BMP1: variants seen among roughly 807,000 people sequenced by gnomAD.
BMP1 encodes the protein bone morphogenetic protein 1.
Under a neutral mutation model 116.8 loss-of-function variants are expected in BMP1, and 63 were observed. The ratio of observed to expected loss-of-function variants is 0.54; its 90% CI spans 0.44 to 0.67. The LOEUF is 0.67. Among genes scored for constraint, BMP1 ranks in the 30% least tolerant of loss-of-function variants. BMP1 has a pLI of 0.00. For missense variants in BMP1, 1,183 were observed against 1,358.9 expected, an observed-to-expected ratio of 0.87 and a Z score of 2.04; for synonymous variants, 536 against 533.4, an observed-to-expected ratio of 1.00 and a Z score of -0.07.
At chr8:22,210,096 G>A (rs1237269364) in intron 19 of BMP1, among the ~76,000 whole-genome samples, 2 of 152,272 alleles carry the variant, frequency 1.3e-5, no homozygotes. Context: ...CGCCTGAGCG[G>A]AGTGGCCCTC....
chr8:22,211,752 A>G lies in BMP1; in HGVS notation c.*24A>G. 3 of 1,613,974 alleles carry G rather than the reference A, an allele frequency of 1.9e-6. No individual in the cohort carries two copies. The highest frequency in any genetic ancestry group is 2.5e-6 in the Non-Finnish European group (3 of 1,179,950). On this transcript the variant is annotated 3_prime_UTR_variant, in exon 20 of 20. Coordinates refer to ENST00000306385, the MANE Select transcript of BMP1 (RefSeq NM_006129.5). ...GACCACTGCCTGAGCAGGGGCGGGG[A>G]CTGGAGCCTGCTGCCCTTGGTCGCC...
Position 22,194,160 on chromosome 8 carries a change from T to C in BMP1, c.1283T>C (p.Phe428Ser), listed in dbSNP as rs1829010243. The C allele has an allele frequency of 6.2e-7, 1 of 1,614,110 alleles. No individual in the cohort carries two copies. Among genetic ancestry groups the C allele is most frequent in the Non-Finnish European group, 8.5e-7 (1 of 1,179,972 alleles). The change falls in exon 10 of 20, where the codon TTT (phenylalanine) becomes TCT (serine). Residue 428 changes from phenylalanine to serine, a missense_variant. Phe to Ser is a radical substitution (Grantham distance 155, BLOSUM62 -2). Transcript: ENST00000306385. This position sits in a 1 kb window ranked among gnomAD's most constrained non-coding sequence, Gnocchi z 4.5. Reference protein sequence around the residue: ...SSSNWVGKGFFAVYEAICGGD... With the variant: ...SSSNWVGKGFSAVYEAICGGD... ...AGCAATTGGGTTGGAAAGGGCTTCTTTGCAGTCTACGAAGGTACTGAGGAA... is the reference window on the plus strand; with the variant it reads ...AGCAATTGGGTTGGAAAGGGCTTCTCTGCAGTCTACGAAGGTACTGAGGAA...
chr8:22,188,901 C>T (rs1828853907), intron 8 of BMP1, among the ~76,000 whole-genome samples: 1 of 152,216 alleles, frequency 6.6e-6, no homozygotes, highest in Non-Finnish European at 1.5e-5. Flanking sequence ...AGCTGCTGAG[C>T]AGAACTGCCT....
chr8:22,201,081 C>G (rs752384035), intron 15 of BMP1: 3 of 1,599,714 alleles, frequency 1.9e-6, no homozygotes, highest in Non-Finnish European at 2.6e-6. Context: ...CCACCCCCAC[C>G]CCTTGGTCCC....
intron 16 of BMP1, among the ~76,000 whole-genome samples, chr8:22,205,371 G>C (rs924831448): frequency 6.6e-6 from 1 of 152,148 alleles, no homozygotes; most frequent in Non-Finnish European, 1.5e-5. Context: ...GCAGGGCCAC[G>C]CAGGGTGCAG....
intron 15 of BMP1, 177 bp from the exon 16 acceptor site, chr8:22,201,626 C>A: frequency 7.4e-7 from 1 of 1,356,276 alleles, no homozygotes; most frequent in Non-Finnish European, 9.8e-7. Flanking sequence ...GATGCAGTGC[C>A]CCTTTGGACC....
chr8:22,176,939 CT>C (rs1219218531), intron 4 of BMP1, 21 bp from the exon 5 acceptor site: 25 of 1,593,960 alleles, frequency 1.6e-5, no homozygotes, highest in Non-Finnish European at 1.8e-5. Context: ...GACCGCCCCC[CT>C]GAGCTGGCCC....
chr8:22,195,672 C>G, intron 13 of BMP1, 85 bp downstream of exon 13: 1 of 1,528,940 alleles, frequency 6.5e-7, no homozygotes, highest in Non-Finnish European at 8.8e-7. Context: ...TTTAGACAGG[C>G]TTTTGCTCTG....
At chr8:22,176,391 G>T in intron 3 of BMP1, 78 bp downstream of exon 3, 1 of 1,561,402 alleles carries the variant, frequency 6.4e-7, no homozygotes, top group Non-Finnish European at 8.7e-7. Flanking sequence ...AGGCACGGAG[G>T]CGTGGGTGCC....
intron 8 of BMP1, among the ~76,000 whole-genome samples, chr8:22,184,166 A>G (rs1295968130): frequency 2.0e-5 from 3 of 152,268 alleles, no homozygotes; most frequent in Non-Finnish European, 4.4e-5. Context: ...CAGATGCACA[A>G]GACGGTCCCT....
chr8:22,211,553 C>G (rs202210036), intron 19 of BMP1, 41 bp from the exon 20 acceptor site: 9 of 1,612,898 alleles, frequency 5.6e-6, no homozygotes, highest in Non-Finnish European at 6.8e-6. Flanking sequence ...GCAGCCCCAG[C>G]CCCTCTTCCT....
At chr8:22,210,658 G>A (rs894459189) in intron 19 of BMP1, among the ~76,000 whole-genome samples, 4 of 152,170 alleles carry the variant, frequency 2.6e-5, no homozygotes, top group Admixed American at 6.5e-5. Context: ...CCTCCCCCAG[G>A]AGCAGAGCTT....
At chr8:22,187,826 T>C (rs1254458387) in intron 8 of BMP1, among the ~76,000 whole-genome samples, 1 of 152,176 alleles carries the variant, frequency 6.6e-6, no homozygotes, top group African/African-American at 2.4e-5. Flanking sequence ...TGGGCACTTG[T>C]AAATTTTACA....
chr8:22,178,655 A>G (rs1828524008), intron 6 of BMP1, among the ~76,000 whole-genome samples: 1 of 151,948 alleles, frequency 6.6e-6, no homozygotes, highest in Non-Finnish European at 1.5e-5. Flanking sequence ...ACTAGCCCCC[A>G]TGCCCAGCTC....
At chr8:22,165,685 A>C in intron 1 of BMP1, 132 bp downstream of exon 1, 4 of 911,614 alleles carry the variant, frequency 4.4e-6, no homozygotes, top group Non-Finnish European at 5.9e-6. Flanking sequence ...TGGGGAACAA[A>C]AGAACGAGGG....
chr8:22,201,704 C>T, intron 15 of BMP1, 99 bp from the exon 16 acceptor site: 3 of 1,551,768 alleles, frequency 1.9e-6, no homozygotes, highest in Admixed American at 3.7e-5. Flanking sequence ...TTGCTCTGTC[C>T]CGGTGGGAGA....
intron 8 of BMP1, among the ~76,000 whole-genome samples, chr8:22,182,722 C>G (rs796096890): frequency 6.6e-6 from 1 of 152,318 alleles, no homozygotes; most frequent in South Asian, 2.1e-4. Flanking sequence ...TGGGGATTGA[C>G]GTTTGGCCCA....
At chr8:22,198,982 C>G (rs1278081941) in intron 15 of BMP1, 2 of 1,291,168 alleles carry the variant, frequency 1.5e-6, no homozygotes, top group Non-Finnish European at 2.0e-6. Context: ...AAACCATTAC[C>G]TGCTTACTCT....
In BMP1 at chr8:22,176,725, C is replaced by A. The variant is rs866628011; in HGVS notation, c.551+75C>A. ...GGTTCTGCCCTGGGCCCTGCCACTG[C>A]CCCCAGCTGGGCACAGCCTTGGGTC... On this transcript the variant is annotated intron_variant, in intron 4 of 19. Transcript: ENST00000306385. 38 of 1,485,352 alleles carry A rather than the reference C, an allele frequency of 2.6e-5. 2 individuals are homozygous for A. In the Middle Eastern group the frequency reaches 5.3e-3, roughly 209 times the overall value. 92.0% of individuals were successfully genotyped at this position (1,485,352 alleles called of 1,614,324 possible).
Sources: allele counts gnomAD v4.1 joint callset (sites outside exome capture counted in the v4.1 genomes callset), GRCh38; gene constraint gnomAD v4.1.1; non-coding constraint Gnocchi (gnomAD v3.1); transcripts MANE v1.5; gene names NCBI Gene and HGNC (gene_info 2026-07-23, HGNC 2026-07-21).